The following IL1RAPL1 variants were observed in gnomAD, a reference collection of about 807,000 sequenced individuals.
The protein encoded by IL1RAPL1 is interleukin-1 receptor accessory protein-like 1.
Under a neutral mutation model 48.4 loss-of-function variants are expected in IL1RAPL1, and 3 were observed. The observed-to-expected ratio is 0.06, with a 90% CI of 0.03 to 0.16. The LOEUF is 0.16. Ranked by LOEUF, IL1RAPL1 falls within the 10% of genes least tolerant of loss-of-function variation. IL1RAPL1 has a pLI of 1.00. For synonymous variants in IL1RAPL1, 185 were observed against 187.7 expected, an observed-to-expected ratio of 0.99 and a Z score of 0.12; for missense variants, 349 against 530.6, an observed-to-expected ratio of 0.66 and a Z score of 3.36.
At chrX:29,208,706 A>G (rs1930712229) in intron 2 of IL1RAPL1, among the ~76,000 whole-genome samples, 1 of 89,160 alleles carries the variant, frequency 1.1e-5, no homozygotes, top group Non-Finnish European at 2.0e-5. Flanking sequence ...GCAAGATTCC[A>G]AAAATAATAA....
intron 2 of IL1RAPL1, among the ~76,000 whole-genome samples, chrX:28,843,722 A>G (rs748458339): frequency 3.6e-5 from 4 of 111,884 alleles, no homozygotes; most frequent in Non-Finnish European, 7.5e-5. Context: ...TACAGATTCA[A>G]ATTTTATGTA....
At chrX:29,550,421 C>T (rs980901164) in intron 5 of IL1RAPL1, among the ~76,000 whole-genome samples, 7 of 111,166 alleles carry the variant, frequency 6.3e-5, no homozygotes, top group African/African-American at 2.3e-4. Context: ...CCTCGTGATC[C>T]GCCCGCCTCG....
chrX:28,669,271 A>G (rs1231023926), intron 1 of IL1RAPL1, among the ~76,000 whole-genome samples: 1 of 111,221 alleles, frequency 9.0e-6, no homozygotes, highest in Non-Finnish European at 1.9e-5. Flanking sequence ...TATTAGAGTT[A>G]AGGATGGCTA....
chrX:29,012,803 A>G (rs1409100827), intron 2 of IL1RAPL1, among the ~76,000 whole-genome samples: 2 of 111,826 alleles, frequency 1.8e-5, no homozygotes, highest in African/African-American at 6.5e-5. Flanking sequence ...TGAACACCAT[A>G]GACATCTCAA....
At position 28,706,722 on chromosome X, in the gene IL1RAPL1, A is replaced by T. The variant is rs1297664259; in HGVS notation, c.-24-82598A>T. ...AACCACTGTACCCAGCCATTAGGACACGTTTCTTAGAACCTATCCCCATCA... is the reference window on the plus strand; with the variant it reads ...AACCACTGTACCCAGCCATTAGGACTCGTTTCTTAGAACCTATCCCCATCA... On this transcript the variant is annotated intron_variant, in intron 1 of 10. Transcript: ENST00000378993. Among the ~76,000 whole-genome samples the T allele has an allele frequency of 6.3e-5, 7 of 111,635 alleles. No homozygotes were observed. The Admixed American group carries it at 6.7e-4, about 11-fold the overall frequency.
intron 5 of IL1RAPL1, among the ~76,000 whole-genome samples, chrX:29,450,178 A>G (rs1247125542): frequency 1.8e-5 from 2 of 112,109 alleles, no homozygotes; most frequent in Non-Finnish European, 3.8e-5. Context: ...ATTATCAAGT[A>G]GGGACATTTA....
chrX:29,160,306 T>A (rs1602087851), intron 2 of IL1RAPL1, among the ~76,000 whole-genome samples: 1 of 111,814 alleles, frequency 8.9e-6, no homozygotes, highest in East Asian at 2.8e-4. Context: ...TTAATAAATA[T>A]TATGTTTGTT....
chrX:29,616,334 T>A (rs990744594), intron 5 of IL1RAPL1, among the ~76,000 whole-genome samples: 12 of 107,173 alleles, frequency 1.1e-4, no homozygotes, highest in East Asian at 6.0e-4. Context: ...CTTTTTTTTT[T>A]TTATTATATT....
chrX:28,801,323 T>A (rs1466016721), intron 2 of IL1RAPL1, among the ~76,000 whole-genome samples: 3 of 111,642 alleles, frequency 2.7e-5, no homozygotes, highest in Non-Finnish European at 3.8e-5. Context: ...TAGATAAAAT[T>A]TTTTCCAATC....
At chrX:29,915,854 T>G (rs1165676152) in intron 6 of IL1RAPL1, among the ~76,000 whole-genome samples, 7 of 83,326 alleles carry the variant, frequency 8.4e-5, no homozygotes, top group East Asian at 4.0e-4. Context: ...ACCCACTAAC[T>G]CGTCATCTAG....
chrX:28,753,897 AG>A (rs1936074011), intron 1 of IL1RAPL1, among the ~76,000 whole-genome samples: 1 of 107,305 alleles, frequency 9.3e-6, no homozygotes, highest in African/African-American at 3.5e-5. Flanking sequence ...GAAGGCTGGC[AG>A]GGAGGGAAGG....
At chrX:28,903,859 A>G (rs1283614733) in intron 2 of IL1RAPL1, among the ~76,000 whole-genome samples, 2 of 110,600 alleles carry the variant, frequency 1.8e-5, no homozygotes, top group Non-Finnish European at 3.8e-5. Flanking sequence ...AAATAATTGT[A>G]TTATATTTAA....
chrX:28,907,000 C>T (rs1923235086), intron 2 of IL1RAPL1, among the ~76,000 whole-genome samples: 1 of 111,005 alleles, frequency 9.0e-6, no homozygotes, highest in Non-Finnish European at 1.9e-5. Flanking sequence ...GAAAAATAGC[C>T]TTGATGATAC....
At chrX:29,583,286 T>C (rs1923040845) in intron 5 of IL1RAPL1, among the ~76,000 whole-genome samples, 1 of 49,492 alleles carries the variant, frequency 2.0e-5, no homozygotes, top group Non-Finnish European at 3.6e-5. Context: ...TTGTCCCTGT[T>C]TGCAGACGAC....
chrX:29,014,740 C>T (rs1926202093), intron 2 of IL1RAPL1, among the ~76,000 whole-genome samples: 1 of 111,921 alleles, frequency 8.9e-6, no homozygotes, highest in East Asian at 2.8e-4. Context: ...GTCCCCCAAA[C>T]AGTGAAATTT....
At chrX:29,538,460 C>G (rs1322680523) in intron 5 of IL1RAPL1, among the ~76,000 whole-genome samples, 1 of 105,560 alleles carries the variant, frequency 9.5e-6, no homozygotes, top group Non-Finnish European at 1.9e-5. Flanking sequence ...GCCTCAGCCT[C>G]CCGAGTAGCT....
At chrX:29,804,048 T>G (rs1206479823) in intron 6 of IL1RAPL1, among the ~76,000 whole-genome samples, 1 of 111,845 alleles carries the variant, frequency 8.9e-6, no homozygotes, top group Middle Eastern at 4.2e-3. Flanking sequence ...ATTTTATCAT[T>G]TTACAATGTG....
intron 2 of IL1RAPL1, among the ~76,000 whole-genome samples, chrX:29,017,424 T>G (rs1399820764): frequency 8.9e-6 from 1 of 111,915 alleles, no homozygotes; most frequent in South Asian, 3.7e-4. Flanking sequence ...TCGGAGAAAA[T>G]AGTTCATTCT....
intron 6 of IL1RAPL1, among the ~76,000 whole-genome samples, chrX:29,752,827 C>A (rs889352533): frequency 1.8e-5 from 2 of 111,834 alleles, no homozygotes; most frequent in African/African-American, 3.2e-5. Flanking sequence ...GTCATTTATT[C>A]TTTTATCCTA....
Sources: gnomAD v4.1 joint callset for allele counts (sites outside exome capture counted in the v4.1 genomes callset) on GRCh38, gnomAD v4.1.1 for gene constraint, MANE v1.5 for transcripts, NCBI Gene and HGNC (gene_info 2026-07-23, HGNC 2026-07-21) for gene names.